MYO18B: variants seen among roughly 807,000 people sequenced by gnomAD.
MYO18B encodes the protein myosin XVIIIB.
A neutral mutation model predicts 273.0 loss-of-function variants in MYO18B; 204 were observed. That is an observed-to-expected ratio of 0.75 (90% confidence interval 0.67 to 0.84). The LOEUF is 0.84. Among genes scored for constraint, MYO18B ranks in the 40% least tolerant of loss-of-function variants. The pLI is 0.00. For synonymous variants in MYO18B, 1,330 were observed against 1,305.7 expected (o/e 1.02, Z -0.40); for missense variants, 3,212 against 3,287.6 (o/e 0.98, Z 0.56).
At chr22:25,994,069 G>A (rs1012460951) in intron 40 of MYO18B, among the ~76,000 whole-genome samples, 6 of 152,154 alleles carry the variant, frequency 3.9e-5, no homozygotes, top group African/African-American at 1.4e-4. Flanking sequence ...CCTTAATGCA[G>A]TCCTGGGCTG....
chr22:25,746,423 G>A (rs533656191), intron 1 of MYO18B, among the ~76,000 whole-genome samples: 3 of 152,308 alleles, frequency 2.0e-5, no homozygotes, highest in South Asian at 2.1e-4. Context: ...CAGTGTCAGC[G>A]TAGACACTAT....
intron 40 of MYO18B, among the ~76,000 whole-genome samples, chr22:25,997,329 A>C (rs1469323541): frequency 6.7e-6 from 1 of 149,748 alleles, no homozygotes. Context: ...AAAAAAAAAA[A>C]ACGAAGGAAA....
chr22:26,037,779 G>A, the MYO18B span, among the ~76,000 whole-genome samples: 1 of 152,218 alleles, frequency 6.6e-6, no homozygotes, highest in African/African-American at 2.4e-5. Flanking sequence ...GAGTTTAAAT[G>A]TGTCCTTTCC....
chr22:25,808,750 C>T (rs907860609), intron 12 of MYO18B, among the ~76,000 whole-genome samples: 3 of 152,164 alleles, frequency 2.0e-5, no homozygotes, highest in African/African-American at 7.2e-5. Flanking sequence ...CTCCTTTGAC[C>T]TGTGAGACTC....
At chr22:25,787,102 C>T (rs182846029) in intron 11 of MYO18B, among the ~76,000 whole-genome samples, 1 of 152,158 alleles carries the variant, frequency 6.6e-6, no homozygotes, top group East Asian at 1.9e-4. Context: ...GTAGTTCCAG[C>T]TGCTTGGGAG....
intron 34 of MYO18B, among the ~76,000 whole-genome samples, chr22:25,928,649 A>T (rs2269637): frequency 0.35 from 53,573 of 151,808 alleles, 10,259 homozygotes; most frequent in African/African-American, 0.48. Context: ...TGAGGCTTAA[A>T]ACCCTCCTGA....
intron 11 of MYO18B, among the ~76,000 whole-genome samples, chr22:25,789,289 A>G (rs1383914124): frequency 6.6e-6 from 1 of 150,802 alleles, no homozygotes; most frequent in Non-Finnish European, 1.5e-5. Flanking sequence ...ATTTATCTCT[A>G]TTCTCTTCTA....
intron 12 of MYO18B, 97 bp from the exon 13 acceptor site, chr22:25,823,408 T>G: frequency 3.0e-6 from 4 of 1,328,492 alleles, no homozygotes; most frequent in South Asian, 2.9e-5. Context: ...GGCCTGGAGA[T>G]TGGGAGGGTG....
chr22:25,867,926 C>T (rs1251138695), intron 21 of MYO18B, among the ~76,000 whole-genome samples: 4 of 152,176 alleles, frequency 2.6e-5, no homozygotes, highest in Admixed American at 6.5e-5. Flanking sequence ...CCACCGCGCC[C>T]GGCCAAGACT....
downstream of MYO18B, among the ~76,000 whole-genome samples, chr22:26,032,422 C>T (rs1024057614): frequency 1.3e-5 from 2 of 151,986 alleles, no homozygotes; most frequent in African/African-American, 4.8e-5. Context: ...TGTGGCTGCA[C>T]CTCTGGCGTC....
At chr22:26,004,362 T>C (rs1027625646) in intron 41 of MYO18B, among the ~76,000 whole-genome samples, 1 of 152,182 alleles carries the variant, frequency 6.6e-6, no homozygotes, top group Non-Finnish European at 1.5e-5. Context: ...AATGCCAAAC[T>C]TTACTCCTAA....
intron 39 of MYO18B, among the ~76,000 whole-genome samples, chr22:25,966,675 G>A (rs1601710307): frequency 1.3e-5 from 2 of 152,294 alleles, no homozygotes; most frequent in East Asian, 3.9e-4. Context: ...TCAGAGAGCT[G>A]ACAGGGGAAC....
intron 12 of MYO18B, among the ~76,000 whole-genome samples, chr22:25,811,298 C>T (rs1382712315): frequency 6.6e-6 from 1 of 152,012 alleles, no homozygotes; most frequent in African/African-American, 2.4e-5. Flanking sequence ...GCTGGGATTA[C>T]AGGCATGAGC....
intron 25 of MYO18B, among the ~76,000 whole-genome samples, chr22:25,889,866 C>T (rs2091610264): frequency 6.6e-6 from 1 of 152,172 alleles, no homozygotes; most frequent in Non-Finnish European, 1.5e-5. Context: ...TAAATCACTG[C>T]ATTTCTGAGG....
chr22:25,845,518 A>T (rs766934059), intron 18 of MYO18B, among the ~76,000 whole-genome samples: 15 of 151,942 alleles, frequency 9.9e-5, no homozygotes, highest in Non-Finnish European at 1.9e-4. Flanking sequence ...TCCATCTCAA[A>T]AAAACCAACA....
At chr22:25,809,460 AT>A (rs1411060503) in intron 12 of MYO18B, among the ~76,000 whole-genome samples, 4 of 152,114 alleles carry the variant, frequency 2.6e-5, no homozygotes, top group African/African-American at 9.7e-5. Flanking sequence ...CCCATGGGTT[AT>A]TTAGTTTATT....
chr22:25,958,576 G>A (rs2092881067), intron 39 of MYO18B, among the ~76,000 whole-genome samples: 1 of 152,114 alleles, frequency 6.6e-6, no homozygotes, highest in Non-Finnish European at 1.5e-5. Flanking sequence ...TTCAACACCA[G>A]CTATGAGCAT....
At chr22:25,890,272 A>T (rs780310887) in intron 25 of MYO18B, among the ~76,000 whole-genome samples, 17 of 152,204 alleles carry the variant, frequency 1.1e-4, no homozygotes, top group Non-Finnish European at 1.8e-4. Context: ...GGGCCATTGT[A>T]GAGAGGTGGT....
chr22:25,844,313 G>T (rs913808201), intron 18 of MYO18B, among the ~76,000 whole-genome samples: 1 of 152,202 alleles, frequency 6.6e-6, no homozygotes, highest in Non-Finnish European at 1.5e-5. Flanking sequence ...GAGTGCTGGC[G>T]TGAGGCCGGC....
Sources: allele counts gnomAD v4.1 joint callset (sites outside exome capture counted in the v4.1 genomes callset), GRCh38; gene constraint gnomAD v4.1.1; transcripts MANE v1.5; gene names NCBI Gene and HGNC (gene_info 2026-07-23, HGNC 2026-07-21).